Variants in ANKRD55 observed in about 807,000 individuals in gnomAD.
ANKRD55 encodes the protein ankyrin repeat domain-containing protein 55.
ANKRD55 carries 41 observed loss-of-function variants against 60.6 expected under a neutral mutation model. The ratio of observed to expected loss-of-function variants is 0.68; its 90% CI spans 0.53 to 0.88. ANKRD55 has a LOEUF of 0.88. Ranked by LOEUF, ANKRD55 falls within the 40% of genes least tolerant of loss-of-function variation. The probability of loss-of-function intolerance (pLI) is 0.00; values close to 1 mark genes in which losing one functional copy is unlikely to be tolerated. For synonymous variants in ANKRD55, 264 were observed against 290.3 expected, an observed-to-expected ratio of 0.91 and a Z score of 0.92; for missense variants, 732 against 767.6, an observed-to-expected ratio of 0.95 and a Z score of 0.55.
At chr5:56,137,486 A>G in intron 7 of ANKRD55, 1 of 805,946 alleles carries the variant, frequency 1.2e-6, no homozygotes, top group South Asian at 1.3e-5. Flanking sequence ...AGAAAAAGAT[A>G]TCCCAGAAGA....
At chr5:56,102,468 A>G (rs1262550563) in intron 11 of ANKRD55, 26 bp downstream of exon 11, 2 of 1,473,790 alleles carry the variant, frequency 1.4e-6, no homozygotes, top group East Asian at 4.5e-5. Context: ...TTGCAAAGGA[A>G]GCTGCGGAAG....
rs1374240730 is a variant in ANKRD55 at position 56,099,800 on chromosome 5, T to C, written c.*383A>G. ...TTTTTTTTGTTTTGTTTTTTGCTTTTATTCAGCAAAGCGTACTTTTTTTCC... is the reference window on the plus strand; with the variant it reads ...TTTTTTTTGTTTTGTTTTTTGCTTTCATTCAGCAAAGCGTACTTTTTTTCC... On this transcript the variant is annotated 3_prime_UTR_variant, in exon 12 of 12. Coordinates refer to ENST00000341048, the MANE Select transcript of ANKRD55 (RefSeq NM_024669.3). 6.3e-6 allele frequency: 1 copy of C among 159,764 alleles called. No individual in the cohort carries two copies. Among genetic ancestry groups the C allele is most frequent in the African/African-American group, 2.4e-5 (1 of 41,550 alleles). 9.9% of individuals were successfully genotyped at this position (159,764 alleles called of 1,614,324 possible). A position where few individuals can be genotyped will look rare whatever the true frequency, so the allele number is the denominator to read the frequency against.
At position 56,157,851 on chromosome 5, in the gene ANKRD55, C is replaced by A. The variant is rs190700370; in HGVS notation, c.483+1982G>T. Among the ~76,000 whole-genome samples, 598 of 152,236 alleles carry A rather than the reference C, an allele frequency of 3.9e-3. 2 individuals carry two copies. Among genetic ancestry groups the A allele is most frequent in the African/African-American group, 0.014 (584 of 41,528 alleles). On this transcript the variant is annotated intron_variant, in intron 6 of 11. Coordinates refer to ENST00000341048, the MANE Select transcript of ANKRD55 (RefSeq NM_024669.3). ...GTCCTCCTTATGCTGAGCGCCAGTC[C>A]CGTGGGCCCACTTTTCTTCTTCTAT...
intron 2 of ANKRD55, among the ~76,000 whole-genome samples, chr5:56,210,944 C>T (rs930054215): frequency 5.9e-5 from 9 of 152,124 alleles, no homozygotes; most frequent in African/African-American, 2.2e-4. Context: ...TATACTCAAT[C>T]ATTATTGACA....
chr5:56,157,942 G>T (rs1359754908), intron 6 of ANKRD55, among the ~76,000 whole-genome samples: 1 of 152,106 alleles, frequency 6.6e-6, no homozygotes, highest in Admixed American at 6.6e-5. Flanking sequence ...ACGTTCACAG[G>T]TATGGAGGGG....
chr5:56,135,294 GCTTTCTTTCTTTCTTTCTTT>G (rs1255557630), intron 7 of ANKRD55, among the ~76,000 whole-genome samples: 31 of 84,456 alleles, frequency 3.7e-4, no homozygotes, highest in East Asian at 1.1e-3. Flanking sequence ...CTGCCTGCTT[GCTTTCTTTCTTTCTTTCTTT>G]CTTTCTTTCT....
intron 7 of ANKRD55, among the ~76,000 whole-genome samples, chr5:56,134,866 T>C (rs545554602): frequency 2.4e-4 from 36 of 152,256 alleles, no homozygotes; most frequent in African/African-American, 7.7e-4. Context: ...TATTAGTGAA[T>C]AGAATCTAGC....
rs1758736968 is a variant in ANKRD55 at position 56,176,258 on chromosome 5, A to G, written c.206T>C (p.Val69Ala). The change falls in exon 4 of 12, where the codon GTT becomes GCT. Residue 69 changes from valine to alanine, a missense_variant. Transcript: ENST00000341048. ...CACTGTGTCCGCTTGACGTCCAGAA[A>G]CCGCATGCATCAAGGGCGTGCATCC... ...SEGCTPLMHAVSGRQADTVKL... is the reference protein window; with the variant it reads ...SEGCTPLMHAASGRQADTVKL... 4 of 1,614,168 alleles carry G rather than the reference A, an allele frequency of 2.5e-6. No homozygotes were observed. The highest frequency in any genetic ancestry group is 1.3e-5 in the African/African-American group (1 of 75,024).
rs1756728385 is a variant in ANKRD55, at chr5:56,112,135, A to T, written c.966-353T>A. Among the ~76,000 whole-genome samples, 3 of 152,292 alleles carry T rather than the reference A, an allele frequency of 2.0e-5. No homozygotes were observed. In the South Asian group the frequency reaches 6.2e-4, roughly 32 times the overall value. On this transcript the variant is annotated intron_variant, in intron 9 of 11. Transcript: ENST00000341048. The stretch of plus-strand genomic sequence containing the variant: ...CTGAAAGTGTTGTTCTCACATCTCA[A>T]GGACAGTCAGTAGGCACGCAAGTTG...
intron 2 of ANKRD55, among the ~76,000 whole-genome samples, chr5:56,185,142 G>A (rs6896956): frequency 0.022 from 3,358 of 152,158 alleles, 148 homozygotes; most frequent in African/African-American, 0.075. Context: ...ATAATTGCTT[G>A]AACCCGGGAG....
At chr5:56,221,469 A>C (rs1163330420) in intron 2 of ANKRD55, among the ~76,000 whole-genome samples, 1 of 152,210 alleles carries the variant, frequency 6.6e-6, no homozygotes, top group African/African-American at 2.4e-5. Context: ...TACCAGGTTC[A>C]TCTCACTGGG....
intron 3 of ANKRD55, among the ~76,000 whole-genome samples, chr5:56,178,263 C>G (rs1299521503): frequency 1.3e-5 from 2 of 150,996 alleles, no homozygotes; most frequent in East Asian, 3.9e-4. Context: ...GATCATGGCT[C>G]CCTGCAGCCT....
At chr5:56,181,005 A>T (rs1399215585) in intron 3 of ANKRD55, among the ~76,000 whole-genome samples, 1 of 152,118 alleles carries the variant, frequency 6.6e-6, no homozygotes, top group African/African-American at 2.4e-5. Context: ...GTTTGAGAAG[A>T]GCCTGGGCAA....
chr5:56,212,891 G>T (rs1021371429), intron 2 of ANKRD55, among the ~76,000 whole-genome samples: 1 of 152,088 alleles, frequency 6.6e-6, no homozygotes, highest in African/African-American at 2.4e-5. Context: ...AATATAAAAC[G>T]AGATAGTTCT....
intron 2 of ANKRD55, among the ~76,000 whole-genome samples, chr5:56,213,144 T>A (rs1409367108): frequency 6.6e-6 from 1 of 152,210 alleles, no homozygotes; most frequent in East Asian, 1.9e-4. Context: ...ATATACAATT[T>A]TAATTATTAC....
chr5:56,172,874 G>C (rs1237430602), intron 4 of ANKRD55, among the ~76,000 whole-genome samples: 1 of 152,188 alleles, frequency 6.6e-6, no homozygotes, highest in Non-Finnish European at 1.5e-5. Flanking sequence ...GAGTTGAGAA[G>C]TCAGGGAAAA....
chr5:56,229,824 G>A (rs1760205651), intron 2 of ANKRD55, among the ~76,000 whole-genome samples: 2 of 152,200 alleles, frequency 1.3e-5, no homozygotes, highest in Admixed American at 6.5e-5. Flanking sequence ...TTGCCCTGTT[G>A]TATGGATGGA....
At chr5:56,170,042 A>G (rs1168303579) in intron 5 of ANKRD55, among the ~76,000 whole-genome samples, 1 of 152,130 alleles carries the variant, frequency 6.6e-6, no homozygotes, top group Non-Finnish European at 1.5e-5. Context: ...TTGATCATCC[A>G]ATTTACTTCA....
intron 4 of ANKRD55, among the ~76,000 whole-genome samples, chr5:56,171,109 C>T (rs1301842320): frequency 6.6e-6 from 1 of 152,138 alleles, no homozygotes; most frequent in Non-Finnish European, 1.5e-5. Flanking sequence ...TAAGCTCAGA[C>T]ACATGATAAA....
Sources: gnomAD v4.1 joint callset for allele counts (sites outside exome capture counted in the v4.1 genomes callset) on GRCh38, gnomAD v4.1.1 for gene constraint, MANE v1.5 for transcripts, NCBI Gene and HGNC (gene_info 2026-07-23, HGNC 2026-07-21) for gene names.